Variants in TMTC1 observed in about 807,000 individuals in gnomAD.
The protein encoded by TMTC1 is protein O-mannosyl-transferase TMTC1.
TMTC1 carries 73 observed loss-of-function variants against 104.8 expected under a neutral mutation model. The ratio of observed to expected loss-of-function variants is 0.70; its 90% CI spans 0.58 to 0.85. The LOEUF is 0.85. Ranked by LOEUF, TMTC1 falls within the 40% of genes least tolerant of loss-of-function variation. The probability of loss-of-function intolerance (pLI) is 0.00; values close to 1 mark genes in which losing one functional copy is unlikely to be tolerated. For synonymous variants in TMTC1, 434 were observed against 428.7 expected (o/e 1.01, Z -0.15); for missense variants, 1,035 against 1,096.1 (o/e 0.94, Z 0.79).
chr12:29,637,720 T>G (rs1471528852), intron 5 of TMTC1, among the ~76,000 whole-genome samples: 1 of 152,208 alleles, frequency 6.6e-6, no homozygotes, highest in African/African-American at 2.4e-5. Flanking sequence ...AATTCTGTTC[T>G]CTGCCTCAGC....
At chr12:29,529,105 T>C (rs1006368832) in intron 11 of TMTC1, among the ~76,000 whole-genome samples, 1 of 152,178 alleles carries the variant, frequency 6.6e-6, no homozygotes, top group Non-Finnish European at 1.5e-5. Flanking sequence ...GACAGTATTT[T>C]AATAGCATTT....
chr12:29,653,134 C>G (rs1469795806), intron 5 of TMTC1, among the ~76,000 whole-genome samples: 1 of 151,624 alleles, frequency 6.6e-6, no homozygotes, highest in Non-Finnish European at 1.5e-5. Context: ...TGGCCAGATC[C>G]CTTACACTTC....
chr12:29,582,340 AC>A (rs1005579376), intron 8 of TMTC1, among the ~76,000 whole-genome samples: 15 of 152,136 alleles, frequency 9.9e-5, no homozygotes, highest in African/African-American at 3.6e-4. Flanking sequence ...TCTGGGTGGA[AC>A]CCCAAGGGGC....
chr12:29,767,439 G>C (rs1035945140), intron 2 of TMTC1, among the ~76,000 whole-genome samples: 1 of 152,174 alleles, frequency 6.6e-6, no homozygotes, highest in Non-Finnish European at 1.5e-5. Flanking sequence ...ATAGCAGGGT[G>C]AGAAAAGATA....
intron 6 of TMTC1, among the ~76,000 whole-genome samples, chr12:29,606,787 A>G (rs1207387006): frequency 1.3e-5 from 2 of 152,112 alleles, no homozygotes; most frequent in Non-Finnish European, 2.9e-5. Flanking sequence ...AATCTGAAAG[A>G]GGCTTCTCTC....
chr12:29,601,827 T>C (rs891670569), intron 7 of TMTC1, among the ~76,000 whole-genome samples: 1 of 151,668 alleles, frequency 6.6e-6, no homozygotes, highest in Non-Finnish European at 1.5e-5. Flanking sequence ...AAGTTTTATA[T>C]ATAATCATCT....
chr12:29,602,295 C>T (rs551868459), intron 7 of TMTC1, among the ~76,000 whole-genome samples: 3 of 152,246 alleles, frequency 2.0e-5, no homozygotes, highest in South Asian at 4.1e-4. Context: ...GTGCATCCCA[C>T]AACATCTGGC....
rs528102920 is a variant in TMTC1 at position 29,631,487 on chromosome 12, GA to G, written c.1128+1659del. ...CAGATATTCAGTTACATTTTTAAAA[GA>G]CCATCCTTTCTCCATTGAATTACTT... is the stretch of plus-strand genomic sequence containing the variant. On this transcript the variant is annotated intron_variant, in intron 6 of 17. Coordinates refer to ENST00000539277, the MANE Select transcript of TMTC1 (RefSeq NM_001193451.2). Among the ~76,000 whole-genome samples the G allele has an allele frequency of 6.1e-3, 929 of 152,216 alleles. 16 individuals carry two copies. Among genetic ancestry groups the G allele is most frequent in the African/African-American group, 0.021 (874 of 41,548 alleles).
intron 16 of TMTC1, among the ~76,000 whole-genome samples, chr12:29,513,372 TTAA>T (rs1269630049): frequency 1.3e-5 from 2 of 152,074 alleles, no homozygotes; most frequent in Non-Finnish European, 2.9e-5. Flanking sequence ...AATTAAGTTA[TTAA>T]TAATGTTCAC....
In TMTC1 at chr12:29,655,093, G is replaced by A. The variant is rs549219164; in HGVS notation, c.939-21757C>T. ...GAGATGGGGTTTTACCATGTTGGCA[G>A]GATGGTCTCCATCTCCTGACCTCGT... On this transcript the variant is annotated intron_variant, in intron 5 of 17. Transcript: ENST00000539277. 2.6e-5 allele frequency among the ~76,000 whole-genome samples: 4 copies of A among 152,182 alleles called. No homozygotes were observed. In the East Asian group the frequency reaches 7.7e-4, roughly 29 times the overall value.
chr12:29,662,290 T>C (rs1373124047), intron 5 of TMTC1, among the ~76,000 whole-genome samples: 1 of 152,122 alleles, frequency 6.6e-6, no homozygotes, highest in African/African-American at 2.4e-5. Context: ...TTCTATAAGG[T>C]AAGAAATCCT....
chr12:29,583,400 G>C lies in TMTC1; in HGVS notation c.1418+7C>G, dbSNP rs1946037751. ...GAAGATATTTATTTTTATCTGTCTA[G>C]TCATACCTGAATAGGGACTCTCTTG... is the stretch of plus-strand genomic sequence containing the variant. On this transcript the variant is annotated splice_region_variant and intron_variant, in intron 8 of 17. Coordinates refer to ENST00000539277, the MANE Select transcript of TMTC1 (RefSeq NM_001193451.2). 2 of 1,613,342 alleles carry C rather than the reference G, an allele frequency of 1.2e-6. No individual in the cohort carries two copies. Among genetic ancestry groups the C allele is most frequent in the Non-Finnish European group, 8.5e-7 (1 of 1,179,590 alleles).
At chr12:29,727,299 C>T (rs1942419754) in intron 5 of TMTC1, among the ~76,000 whole-genome samples, 1 of 152,318 alleles carries the variant, frequency 6.6e-6, no homozygotes. Context: ...GATGCAGGAG[C>T]CCCCAACTCA....
At chr12:29,530,655 C>A (rs1944477073) in intron 11 of TMTC1, among the ~76,000 whole-genome samples, 1 of 152,186 alleles carries the variant, frequency 6.6e-6, no homozygotes, top group South Asian at 2.1e-4. Context: ...TCCTGTCTTG[C>A]CCTTCCTCCT....
At chr12:29,514,060 CAA>C (rs1943913921) in intron 16 of TMTC1, among the ~76,000 whole-genome samples, 1 of 152,018 alleles carries the variant, frequency 6.6e-6, no homozygotes, top group Non-Finnish European at 1.5e-5. Flanking sequence ...GGCAGGAGGA[CAA>C]AGACTGTATC....
chr12:29,721,146 A>AT (rs956304474), intron 5 of TMTC1, among the ~76,000 whole-genome samples: 1 of 152,172 alleles, frequency 6.6e-6, no homozygotes, highest in African/African-American at 2.4e-5. Context: ...TTTTGGAAAT[A>AT]TTTTTTAGTA....
chr12:29,600,105 T>C (rs1221767450), intron 7 of TMTC1, among the ~76,000 whole-genome samples: 2 of 145,952 alleles, frequency 1.4e-5, no homozygotes, highest in Non-Finnish European at 1.5e-5. Flanking sequence ...TTCATGAAGA[T>C]ATGATTCCTG....
At position 29,502,665 on chromosome 12, in the gene TMTC1, C is replaced by A. The variant is rs1164263964; in HGVS notation, c.*4181G>T. The A allele has an allele frequency of 6.6e-6, 1 of 152,182 alleles. No individual in the cohort carries two copies. Among genetic ancestry groups the A allele is most frequent in the Non-Finnish European group, 1.5e-5 (1 of 68,038 alleles). The allele number at this position is 152,182 out of a possible 1,614,324, so 9.4% of individuals were successfully genotyped here. On this transcript the variant is annotated 3_prime_UTR_variant, in exon 18 of 18. Transcript: ENST00000539277. ...GCCTCAACCAACCAATTGTGCCATA[C>A]ATCATTGTTAAGACTTCTTTGGCTC...
chr12:29,715,319 A>G (rs1006736389), intron 5 of TMTC1, among the ~76,000 whole-genome samples: 2 of 152,168 alleles, frequency 1.3e-5, no homozygotes, highest in African/African-American at 4.8e-5. Context: ...CTCTATTCTC[A>G]TCTACCCCTA....
Sources: allele counts gnomAD v4.1 joint callset (sites outside exome capture counted in the v4.1 genomes callset), GRCh38; gene constraint gnomAD v4.1.1; transcripts MANE v1.5; gene names NCBI Gene and HGNC (gene_info 2026-07-23, HGNC 2026-07-21).